The following LAMA2 variants were observed in gnomAD, a reference collection of about 807,000 sequenced individuals.
The protein encoded by LAMA2 is laminin subunit alpha-2.
A neutral mutation model predicts 364.8 loss-of-function variants in LAMA2; 269 were observed. That is an observed-to-expected ratio of 0.74 (90% confidence interval 0.67 to 0.82). LAMA2 has a LOEUF of 0.82. Ranked by LOEUF, LAMA2 falls within the 40% of genes least tolerant of loss-of-function variation. LAMA2 has a pLI of 0.00. For synonymous variants in LAMA2, 1,379 were observed against 1,370.6 expected (o/e 1.01, Z -0.14); for missense variants, 3,807 against 3,873.2 (o/e 0.98, Z 0.45).
intron 54 of LAMA2, among the ~76,000 whole-genome samples, chr6:129,480,884 A>C (rs140516274): frequency 6.6e-6 from 1 of 152,306 alleles, no homozygotes; most frequent in African/African-American, 2.4e-5. Flanking sequence ...CAGTGTTTTC[A>C]AAGGAAACTT....
At chr6:128,883,835 C>CGT (rs1775990413) in intron 1 of LAMA2, among the ~76,000 whole-genome samples, 2 of 117,722 alleles carry the variant, frequency 1.7e-5, no homozygotes, top group Non-Finnish European at 3.6e-5. Context: ...CACACACACA[C>CGT]ATATATATAT....
In LAMA2 at chr6:129,157,760, T is replaced by C. The variant is rs116489643; in HGVS notation, c.1206+3077T>C. 2.8e-4 allele frequency: 444 copies of C among 1,612,514 alleles called. No homozygotes were observed. In the African/African-American group the frequency reaches 5.4e-3, roughly 19 times the overall value. On this transcript the variant is annotated intron_variant, in intron 8 of 64. Transcript: ENST00000421865. ...TCGGTACCATGTTATAATATGGCAA[T>C]TGGTAGTCTTCCACGATCCCTCCTG...
chr6:129,268,386 G>A (rs1001092525), intron 16 of LAMA2, among the ~76,000 whole-genome samples: 2 of 151,980 alleles, frequency 1.3e-5, no homozygotes, highest in African/African-American at 4.8e-5. Context: ...CTAACATGCA[G>A]TAGGAAATAA....
At chr6:129,327,824 TATATC>T (rs913603460) in intron 28 of LAMA2, among the ~76,000 whole-genome samples, 3 of 152,220 alleles carry the variant, frequency 2.0e-5, no homozygotes, top group African/African-American at 7.2e-5. Context: ...GTCTTTAAAT[TATATC>T]AGTATAAATA....
intron 12 of LAMA2, among the ~76,000 whole-genome samples, chr6:129,232,882 A>G (rs1784756407): frequency 6.6e-6 from 1 of 152,164 alleles, no homozygotes; most frequent in African/African-American, 2.4e-5. Flanking sequence ...AGTTTGAAGC[A>G]TGAAAAATAT....
chr6:128,886,310 C>T (rs1189618059), intron 1 of LAMA2, among the ~76,000 whole-genome samples: 1 of 151,788 alleles, frequency 6.6e-6, no homozygotes, highest in African/African-American at 2.4e-5. Flanking sequence ...AAAAAAAGTC[C>T]ATTTGTGCTC....
At position 129,361,373 on chromosome 6, in the gene LAMA2, A is replaced by G. The variant is rs551601095; in HGVS notation, c.4718-4846A>G. 2.0e-5 allele frequency among the ~76,000 whole-genome samples: 3 copies of G among 152,338 alleles called. No homozygotes were observed. In the South Asian group the frequency reaches 6.2e-4, roughly 32 times the overall value. The stretch of plus-strand genomic sequence containing the variant: ...GAATCACATGTGCAAAACTTGAAAA[A>G]GTGTGTCAGTTATCGATTGTATCAG... On this transcript the variant is annotated intron_variant, in intron 32 of 64. Coordinates refer to ENST00000421865, the MANE Select transcript of LAMA2 (RefSeq NM_000426.4).
At position 129,049,661 on chromosome 6, in the gene LAMA2, C is replaced by T. The variant is rs569701052; in HGVS notation, c.113-257C>T. ...TGTGTCCTAGAGACAGGACCTTCTTCCTAGCTAAATATTAGAGATAAAAAA... is the reference window on the plus strand; with the variant it reads ...TGTGTCCTAGAGACAGGACCTTCTTTCTAGCTAAATATTAGAGATAAAAAA... On this transcript the variant is annotated intron_variant, in intron 1 of 64. Coordinates refer to ENST00000421865, the MANE Select transcript of LAMA2 (RefSeq NM_000426.4). Among the ~76,000 whole-genome samples the T allele has an allele frequency of 5.3e-5, 8 of 151,982 alleles. No individual in the cohort carries two copies. In the East Asian group the frequency reaches 1.5e-3, roughly 29 times the overall value.
intron 12 of LAMA2, among the ~76,000 whole-genome samples, chr6:129,220,494 T>C (rs116308952): frequency 0.016 from 2,439 of 152,334 alleles, 57 homozygotes; most frequent in African/African-American, 0.056. Context: ...TTTCTATCAG[T>C]ATATGATTTG....
intron 37 of LAMA2, among the ~76,000 whole-genome samples, chr6:129,396,554 A>C (rs1779629240): frequency 6.6e-6 from 1 of 152,184 alleles, no homozygotes; most frequent in South Asian, 2.1e-4. Flanking sequence ...AAGGCTTTGG[A>C]TGCAGCCAAC....
At position 129,316,019 on chromosome 6, in the gene LAMA2, TTTCTC is replaced by T. The variant is rs1443614703; in HGVS notation, c.3925-14_3925-10del. 3 of 1,614,010 alleles carry T rather than the reference TTTCTC, an allele frequency of 1.9e-6. No individual in the cohort carries two copies. In the African/African-American group the frequency reaches 4.0e-5, roughly 22 times the overall value. On this transcript the variant is annotated splice_polypyrimidine_tract_variant and intron_variant, in intron 26 of 64. Coordinates refer to ENST00000421865, the MANE Select transcript of LAMA2 (RefSeq NM_000426.4). Reference sequence around the variant, plus strand: ...TTTGCATTCAGTTTTGTCATAGTGATTTCTCTTCTTGTTAACAGAAAGAATGGAAA... The same window carrying T: ...TTTGCATTCAGTTTTGTCATAGTGATTTCTTGTTAACAGAAAGAATGGAAA...
At chr6:129,056,851 C>A (rs544962805) in intron 2 of LAMA2, among the ~76,000 whole-genome samples, 10 of 151,816 alleles carry the variant, frequency 6.6e-5, no homozygotes, top group Non-Finnish European at 1.3e-4. Context: ...CTGCCTCAGC[C>A]TCCCAAGTAG....
intron 41 of LAMA2, among the ~76,000 whole-genome samples, chr6:129,432,290 C>T (rs747382881): frequency 4.6e-5 from 7 of 152,082 alleles, no homozygotes; most frequent in Admixed American, 2.6e-4. Flanking sequence ...GGGTGGACTT[C>T]CATTAGAGAA....
chr6:129,146,192 G>T (rs1173894841), intron 5 of LAMA2, among the ~76,000 whole-genome samples: 1 of 151,788 alleles, frequency 6.6e-6, no homozygotes, highest in African/African-American at 2.4e-5. Context: ...TGGAATAATA[G>T]AACTATCTAA....
intron 10 of LAMA2, among the ~76,000 whole-genome samples, chr6:129,185,787 A>G (rs1432089601): frequency 6.6e-6 from 1 of 151,846 alleles, no homozygotes; most frequent in Non-Finnish European, 1.5e-5. Flanking sequence ...GTATTTACGT[A>G]TGGATTATTT....
chr6:129,333,134 T>G (rs1161479865), intron 29 of LAMA2, among the ~76,000 whole-genome samples: 2 of 152,070 alleles, frequency 1.3e-5, no homozygotes, highest in Admixed American at 6.6e-5. Context: ...TCAAGTGATC[T>G]GCCTGCCTCG....
intron 62 of LAMA2, among the ~76,000 whole-genome samples, chr6:129,508,947 G>A (rs1473734285): frequency 4.6e-5 from 7 of 152,128 alleles, no homozygotes; most frequent in Non-Finnish European, 7.4e-5. Context: ...CATAGCAGTT[G>A]CACTAGTTTA....
At chr6:129,188,955 C>T (rs563286270) in intron 10 of LAMA2, among the ~76,000 whole-genome samples, 13 of 152,000 alleles carry the variant, frequency 8.6e-5, no homozygotes, top group African/African-American at 1.4e-4. Flanking sequence ...TTATTCAGCT[C>T]GTACTATGCG....
intron 40 of LAMA2, among the ~76,000 whole-genome samples, chr6:129,419,257 G>T (rs1052087241): frequency 1.3e-5 from 2 of 152,076 alleles, no homozygotes; most frequent in Admixed American, 6.5e-5. Flanking sequence ...ATCTAAGTTT[G>T]ATCTAATTTT....
Sources: allele counts gnomAD v4.1 joint callset (sites outside exome capture counted in the v4.1 genomes callset), GRCh38; gene constraint gnomAD v4.1.1; transcripts MANE v1.5; gene names NCBI Gene and HGNC (gene_info 2026-07-23, HGNC 2026-07-21).